The following FRAS1 variants were observed in gnomAD, a reference collection of about 807,000 sequenced individuals.
FRAS1 encodes Fraser extracellular matrix complex subunit 1.
In FRAS1, 290 loss-of-function variants were observed where a neutral mutation model predicts 435.2. The observed-to-expected ratio is 0.67, with a 90% CI of 0.61 to 0.73. The LOEUF is 0.73. Among genes scored for constraint, FRAS1 ranks in the 30% least tolerant of loss-of-function variants. FRAS1 has a pLI of 0.00. For synonymous variants in FRAS1, 1,800 were observed against 1,851.0 expected (o/e 0.97, Z 0.71); for missense variants, 4,860 against 5,001.5 (o/e 0.97, Z 0.85).
intron 59 of FRAS1, among the ~76,000 whole-genome samples, chr4:78,495,311 C>G (rs1270552750): frequency 6.6e-6 from 1 of 151,858 alleles, no homozygotes; most frequent in Non-Finnish European, 1.5e-5. Context: ...TGATCAGAAG[C>G]CTTCAATTTT....
chr4:78,475,039 T>C (rs887402298), intron 53 of FRAS1, among the ~76,000 whole-genome samples: 8 of 152,150 alleles, frequency 5.3e-5, no homozygotes, highest in African/African-American at 1.7e-4. Context: ...CCCACCTAAG[T>C]CATTGATTGC....
chr4:78,138,321 C>T (rs1029508541), intron 2 of FRAS1, among the ~76,000 whole-genome samples: 11 of 152,146 alleles, frequency 7.2e-5, no homozygotes, highest in African/African-American at 2.7e-4. Context: ...GCCATAGAAG[C>T]ATTTAGGTCC....
chr4:78,312,829 C>G (rs1229459190), intron 15 of FRAS1, among the ~76,000 whole-genome samples: 9 of 132,432 alleles, frequency 6.8e-5, no homozygotes, highest in African/African-American at 2.0e-4. Flanking sequence ...GAGACCCTGT[C>G]TGAAAGAAAG....
intron 14 of FRAS1, among the ~76,000 whole-genome samples, chr4:78,302,145 A>G (rs1189063142): frequency 6.7e-6 from 1 of 149,882 alleles, no homozygotes; most frequent in Non-Finnish European, 1.5e-5. Context: ...GAGAATGATG[A>G]TTTCCAATTT....
intron 4 of FRAS1, among the ~76,000 whole-genome samples, chr4:78,247,786 G>A (rs1560601778): frequency 1.3e-5 from 2 of 152,146 alleles, no homozygotes; most frequent in African/African-American, 4.8e-5. Context: ...CCCCTAGGGC[G>A]GGTAATGGAG....
Position 78,479,491 on chromosome 4 carries a change from C to T in FRAS1, c.8216C>T (p.Ala2739Val), listed in dbSNP as rs1266387235. The change falls in exon 56 of 74, where the codon GCG (alanine) becomes GTG (valine). Residue 2739 changes from alanine to valine, a missense_variant. Coordinates refer to ENST00000512123, the MANE Select transcript of FRAS1 (RefSeq NM_025074.7). ...TTTAAATCTAGAGGGATGTCTGCCGCGAGTCGTGTGATATTCGGGCCTGGT... is the reference window on the plus strand; with the variant it reads ...TTTAAATCTAGAGGGATGTCTGCCGTGAGTCGTGTGATATTCGGGCCTGGT... ...SDFKSRGMSA[A>V]SRVIFGPGVT... 5.0e-6 allele frequency: 8 copies of T among 1,612,272 alleles called. 1 individual carries two copies. Among genetic ancestry groups the T allele is most frequent in the African/African-American group, 4.0e-5 (3 of 75,012 alleles).
chr4:78,159,434 A>T (rs924143978), intron 2 of FRAS1, among the ~76,000 whole-genome samples: 1 of 152,172 alleles, frequency 6.6e-6, no homozygotes, highest in Non-Finnish European at 1.5e-5. Flanking sequence ...GTTGCTATGG[A>T]CTGTATTCTG....
intron 6 of FRAS1, among the ~76,000 whole-genome samples, chr4:78,259,628 T>C (rs905184936): frequency 2.0e-5 from 3 of 149,974 alleles, no homozygotes; most frequent in African/African-American, 7.3e-5. Flanking sequence ...GATGAGTAGG[T>C]TGCGAAAATT....
At chr4:78,370,113 A>G (rs1257715553) in intron 23 of FRAS1, 129 bp downstream of exon 23, 1 of 785,540 alleles carries the variant, frequency 1.3e-6, no homozygotes, top group East Asian at 2.7e-5. Context: ...TGATAGCAAC[A>G]ATTGTGTGTG....
chr4:78,135,324 A>G (rs1237755853), intron 2 of FRAS1, among the ~76,000 whole-genome samples: 1 of 151,986 alleles, frequency 6.6e-6, no homozygotes, highest in Non-Finnish European at 1.5e-5. Context: ...ATCTCCCAGT[A>G]TATCCTCCTA....
intron 70 of FRAS1, among the ~76,000 whole-genome samples, chr4:78,527,111 C>G (rs1721558987): frequency 6.6e-6 from 1 of 152,046 alleles, no homozygotes; most frequent in Admixed American, 6.6e-5. Context: ...AGACATAAAA[C>G]AAGGTTATAT....
chr4:78,521,821 G>A (rs925493691), intron 68 of FRAS1, among the ~76,000 whole-genome samples, 191 bp downstream of exon 68: 5 of 152,006 alleles, frequency 3.3e-5, no homozygotes, highest in South Asian at 2.1e-4. Context: ...TGCAGACTTC[G>A]TGTCAAGTTA....
chr4:78,326,736 G>C (rs2110249137), intron 18 of FRAS1, among the ~76,000 whole-genome samples: 1 of 152,292 alleles, frequency 6.6e-6, no homozygotes, highest in East Asian at 1.9e-4. Flanking sequence ...GAAAAGGAAG[G>C]ATAAAGGGTG....
rs376763815 is a variant in FRAS1 at position 78,537,152 on chromosome 4, T to C, written c.11250T>C (p.Tyr3750=). The change falls in exon 72 of 74, where the codon TAT becomes TAC. Residue 3750 remains tyrosine, a synonymous_variant. Coordinates refer to ENST00000512123, the MANE Select transcript of FRAS1 (RefSeq NM_025074.7). ...TGTIYNEGPQ[Y]GCIQPNKHLK... ...CAATCTACAATGAAGGGCCCCAGTA[T>C]GGATGCATTCAGCCAAACAAACACC... 47 of 1,613,930 alleles carry C rather than the reference T, an allele frequency of 2.9e-5. No individual in the cohort carries two copies. Among genetic ancestry groups the C allele is most frequent in the African/African-American group, 4.0e-5 (3 of 74,942 alleles).
At chr4:78,193,493 G>T (rs968757782) in intron 2 of FRAS1, among the ~76,000 whole-genome samples, 8 of 152,114 alleles carry the variant, frequency 5.3e-5, no homozygotes, top group East Asian at 1.9e-4. Context: ...AATTAGCTCT[G>T]CTTGTTGAAT....
intron 2 of FRAS1, among the ~76,000 whole-genome samples, chr4:78,100,117 G>C (rs1050212356): frequency 6.6e-6 from 1 of 152,170 alleles, no homozygotes; most frequent in Non-Finnish European, 1.5e-5. Flanking sequence ...AAAAGAAATA[G>C]AGCCTAGAAC....
chr4:78,082,501 A>C (rs1032757498), intron 2 of FRAS1, among the ~76,000 whole-genome samples: 4 of 152,164 alleles, frequency 2.6e-5, no homozygotes, highest in African/African-American at 9.7e-5. Flanking sequence ...TACTTGTTAA[A>C]TGTTAGAAAG....
At chr4:78,204,681 T>C (rs781365476) in intron 2 of FRAS1, among the ~76,000 whole-genome samples, 1 of 152,188 alleles carries the variant, frequency 6.6e-6, no homozygotes, top group Admixed American at 6.5e-5. Flanking sequence ...GTCCACAAAG[T>C]GCACCATATG....
At chr4:78,478,174 T>C (rs920398123) in intron 55 of FRAS1, 113 bp downstream of exon 55, 16 of 1,196,124 alleles carry the variant, frequency 1.3e-5, no homozygotes, top group Non-Finnish European at 1.7e-5. Context: ...ATGTGTACTT[T>C]CCACTTATTA....
Sources: allele counts gnomAD v4.1 joint callset (sites outside exome capture counted in the v4.1 genomes callset), GRCh38; gene constraint gnomAD v4.1.1; transcripts MANE v1.5; gene names NCBI Gene and HGNC (gene_info 2026-07-23, HGNC 2026-07-21).